Variants in ZNF620 observed in about 807,000 individuals in gnomAD.
ZNF620 encodes zinc finger protein 620.
Under a neutral mutation model 13.3 loss-of-function variants are expected in ZNF620, and 10 were observed. The observed-to-expected ratio is 0.75, with a 90% CI of 0.46 to 1.28. ZNF620 has a LOEUF of 1.28. ZNF620 is among the 50% of genes most tolerant of loss of function. The probability of loss-of-function intolerance (pLI) is 0.00; values close to 1 mark genes in which losing one functional copy is unlikely to be tolerated. For missense variants in ZNF620, 461 were observed against 500.2 expected (o/e 0.92, Z 0.75); for synonymous variants, 166 against 177.6 (o/e 0.93, Z 0.52).
Position 40,516,130 on chromosome 3 carries a change from T to C in ZNF620, c.536T>C (p.Val179Ala), listed in dbSNP as rs775462812. The C allele has an allele frequency of 8.7e-6, 14 of 1,613,952 alleles. No homozygotes were observed. The Admixed American group carries it at 2.3e-4, about 27-fold the overall frequency. ...KFEKLGKNIS[V>A]STQLTTNQTN... The stretch of plus-strand genomic sequence containing the variant: ...GAGAAATTAGGAAAAAATATTAGCG[T>C]CAGCACACAACTCACTACAAATCAG... The change falls in exon 5 of 5, where the codon GTC (valine) becomes GCC (alanine). Residue 179 changes from valine to alanine, a missense_variant. Val to Ala is a moderately conservative substitution (Grantham distance 64). Transcript: ENST00000314529.
At chr3:40,510,413 G>T (rs1419335347) in intron 2 of ZNF620, among the ~76,000 whole-genome samples, 1 of 152,116 alleles carries the variant, frequency 6.6e-6, no homozygotes, top group Non-Finnish European at 1.5e-5. Flanking sequence ...AAGCCTGTAG[G>T]ATCTGTTGTG....
At chr3:40,508,242 ATTC>A (rs1698090788) in intron 2 of ZNF620, among the ~76,000 whole-genome samples, 1 of 149,596 alleles carries the variant, frequency 6.7e-6, no homozygotes, top group East Asian at 1.9e-4. Flanking sequence ...TAAATTTGCT[ATTC>A]TTTTTTTAGT....
rs373831108 is a variant in ZNF620, at chr3:40,510,938, C to T, written c.25-532C>T. ...CGAATTTTTGTATTTTTTGTAGAGA[C>T]GGGATTTCACCCTGTTGGCAACATC... On this transcript the variant is annotated intron_variant, in intron 2 of 4. Coordinates refer to ENST00000314529, the MANE Select transcript of ZNF620 (RefSeq NM_175888.4). Among the ~76,000 whole-genome samples the T allele has an allele frequency of 4.1e-4, 63 of 152,122 alleles. 2 individuals are homozygous for T. In the South Asian group the frequency reaches 0.012, roughly 29 times the overall value.
chr3:40,508,797 C>T (rs749030896), intron 2 of ZNF620: 1 of 456,438 alleles, frequency 2.2e-6, no homozygotes, highest in Non-Finnish European at 4.4e-6. Context: ...GTGCTTGGCT[C>T]TCTTCTTTTT....
intron 2 of ZNF620, 124 bp from the exon 3 acceptor site, chr3:40,511,346 C>T: frequency 7.4e-7 from 1 of 1,342,582 alleles, no homozygotes; most frequent in Admixed American, 2.2e-5. Context: ...TGAGGGCTGG[C>T]CTCATGGTGG....
At chr3:40,513,918 C>G (rs138719338) in intron 4 of ZNF620, among the ~76,000 whole-genome samples, 1 of 152,148 alleles carries the variant, frequency 6.6e-6, no homozygotes, top group African/African-American at 2.4e-5. Context: ...GACAGGGCCA[C>G]CAGAGGGCTC....
intron 4 of ZNF620, among the ~76,000 whole-genome samples, chr3:40,515,527 T>C (rs754180706): frequency 1.4e-4 from 22 of 152,216 alleles, no homozygotes; most frequent in Non-Finnish European, 2.6e-4. Context: ...GTTTGCATCT[T>C]TATCCACCTC....
intron 2 of ZNF620, among the ~76,000 whole-genome samples, chr3:40,510,172 A>G (rs925949149): frequency 6.6e-6 from 1 of 151,826 alleles, no homozygotes; most frequent in Non-Finnish European, 1.5e-5. Context: ...ACCACCTTGC[A>G]TGGCTAATTT....
Position 40,511,517 on chromosome 3 carries a change from A to T in ZNF620, c.72A>T (p.Glu24Asp). 2 of 1,613,770 alleles carry T rather than the reference A, an allele frequency of 1.2e-6. No individual in the cohort carries two copies. The highest frequency in any genetic ancestry group is 1.7e-6 in the Non-Finnish European group (2 of 1,179,798). ...EDVAVYFTQNEWASLDSVQRA... is the reference protein window; with the variant it reads ...EDVAVYFTQNDWASLDSVQRA... ...TGGCTGTGTACTTCACCCAGAATGA[A>T]TGGGCCAGCCTGGACTCTGTGCAGA... The change falls in exon 3 of 5, where the codon GAA becomes GAT. Residue 24 changes from glutamate (E) to aspartate (D), a missense_variant. Transcript: ENST00000314529.
At chr3:40,509,580 A>G (rs1219880848) in intron 2 of ZNF620, among the ~76,000 whole-genome samples, 1 of 152,104 alleles carries the variant, frequency 6.6e-6, no homozygotes, top group African/African-American at 2.4e-5. Context: ...AATATCAGGC[A>G]TCGTTCTTTT....
Position 40,509,906 on chromosome 3 carries a change from G to A in ZNF620, c.25-1564G>A, listed in dbSNP as rs184089016. Among the ~76,000 whole-genome samples the A allele has an allele frequency of 1.5e-4, 23 of 152,108 alleles. No individual in the cohort carries two copies. The South Asian group carries it at 2.7e-3, about 18-fold the overall frequency. Reference sequence around the variant, plus strand: ...TTCCTGTTTCTCAGGGATTGTTGTCGTTTTTTGCATGATATCTTGAAAATT... The same window carrying A: ...TTCCTGTTTCTCAGGGATTGTTGTCATTTTTTGCATGATATCTTGAAAATT... On this transcript the variant is annotated intron_variant, in intron 2 of 4. Transcript: ENST00000314529.
intron 4 of ZNF620, among the ~76,000 whole-genome samples, chr3:40,513,012 A>G (rs1448392466): frequency 6.6e-6 from 1 of 152,110 alleles, no homozygotes; most frequent in Admixed American, 6.6e-5. Context: ...ACACCAGCAT[A>G]ATGCACTCCA....
At position 40,517,076 on chromosome 3, in the gene ZNF620, A is replaced by G. The variant is rs1343936269; in HGVS notation, c.*213A>G. On this transcript the variant is annotated 3_prime_UTR_variant, in exon 5 of 5. Coordinates refer to ENST00000314529, the MANE Select transcript of ZNF620 (RefSeq NM_175888.4). ...AACAAACTTAGAAACATAAAAGGAA[A>G]TGTAAGTTTCCAGATTTAAAGGACA... 4.4e-6 allele frequency: 2 copies of G among 457,406 alleles called. No individual in the cohort carries two copies. 28.3% of individuals were successfully genotyped at this position (457,406 alleles called of 1,614,324 possible).
At chr3:40,510,071 A>C (rs1452639793) in intron 2 of ZNF620, among the ~76,000 whole-genome samples, 1 of 151,542 alleles carries the variant, frequency 6.6e-6, no homozygotes, top group African/African-American at 2.4e-5. Flanking sequence ...CCCATGCCAG[A>C]GTACAGTAGC....
intron 4 of ZNF620, among the ~76,000 whole-genome samples, chr3:40,514,794 C>T (rs1021684732): frequency 6.6e-6 from 1 of 152,082 alleles, no homozygotes; most frequent in Non-Finnish European, 1.5e-5. Flanking sequence ...ATACATAAAA[C>T]ATAGTATATT....
At chr3:40,506,493 A>T in intron 2 of ZNF620, 117 bp downstream of exon 2, 1 of 1,193,820 alleles carries the variant, frequency 8.4e-7, no homozygotes, top group Non-Finnish European at 1.2e-6. Flanking sequence ...TGCATCTGTC[A>T]CTATGAGAGG....
At chr3:40,513,449 C>A (rs1698272702) in intron 4 of ZNF620, among the ~76,000 whole-genome samples, 1 of 149,504 alleles carries the variant, frequency 6.7e-6, no homozygotes, top group Non-Finnish European at 1.5e-5. Flanking sequence ...CCAGCCTGGC[C>A]AACATGGTGA....
intron 2 of ZNF620, among the ~76,000 whole-genome samples, chr3:40,510,252 A>G (rs934247878): frequency 6.6e-6 from 1 of 152,046 alleles, no homozygotes; most frequent in African/African-American, 2.4e-5. Context: ...AGCTGAAGCA[A>G]TCTTCTCACC....
chr3:40,506,510 G>C (rs1263486634), intron 2 of ZNF620, 134 bp downstream of exon 2: 4 of 1,083,358 alleles, frequency 3.7e-6, no homozygotes, highest in East Asian at 5.2e-5. Context: ...GAGGGATGGA[G>C]AGGTGAGAAT....
Sources: gnomAD v4.1 joint callset for allele counts (sites outside exome capture counted in the v4.1 genomes callset) on GRCh38, gnomAD v4.1.1 for gene constraint, MANE v1.5 for transcripts, NCBI Gene and HGNC (gene_info 2026-07-23, HGNC 2026-07-21) for gene names.